Variants in CECR2 observed in about 807,000 individuals in gnomAD.
CECR2 encodes the protein CECR2 histone acetyl-lysine reader.
In CECR2, 30 loss-of-function variants were observed where a neutral mutation model predicts 154.5. That is an observed-to-expected ratio of 0.19 (90% confidence interval 0.15 to 0.26). The LOEUF is 0.26. CECR2 is among the 10% of genes least tolerant of loss of function. CECR2 has a pLI of 1.00. For missense variants in CECR2, 1,743 were observed against 1,829.3 expected (o/e 0.95, Z 0.86); for synonymous variants, 725 against 683.7 (o/e 1.06, Z -0.94).
chr22:17,401,828 A>ACCCCCCCCCC (rs34211703), intron 1 of CECR2, among the ~76,000 whole-genome samples: 12 of 114,144 alleles, frequency 1.1e-4, no homozygotes, highest in African/African-American at 1.9e-4. Flanking sequence ...AATATTTAAC[A>ACCCCCCCCCC]CCCCCCCCCG....
chr22:17,464,743 C>T (rs967697837), intron 1 of CECR2, among the ~76,000 whole-genome samples: 1 of 152,112 alleles, frequency 6.6e-6, no homozygotes, highest in Non-Finnish European at 1.5e-5. Context: ...TCAAGCAGTC[C>T]TCCCACTTCA....
chr22:17,466,598 C>CCTTTTTTTTTTTTTT (rs555359003), intron 1 of CECR2, among the ~76,000 whole-genome samples: 4 of 140,180 alleles, frequency 2.9e-5, no homozygotes, highest in African/African-American at 5.2e-5. Context: ...AAAACCTTGC[C>CCTTTTTTTTTTTTTT]TTTTTTTTTT....
At chr22:17,418,458 T>C (rs1048983715) in intron 1 of CECR2, among the ~76,000 whole-genome samples, 1 of 152,122 alleles carries the variant, frequency 6.6e-6, no homozygotes, top group African/African-American at 2.4e-5. Context: ...GGGAGGTTTC[T>C]ATTGCACCTC....
intron 9 of CECR2, among the ~76,000 whole-genome samples, chr22:17,530,133 C>T (rs1477396401): frequency 2.0e-5 from 3 of 151,280 alleles, no homozygotes; most frequent in African/African-American, 7.3e-5. Flanking sequence ...AGCATCTCAA[C>T]AGTGCTGATG....
intron 9 of CECR2, among the ~76,000 whole-genome samples, chr22:17,525,403 A>T (rs2056246969): frequency 6.6e-6 from 1 of 151,616 alleles, no homozygotes; most frequent in South Asian, 2.1e-4. Context: ...GCACTTTGGG[A>T]AGCCAAAGTG....
chr22:17,490,954 A>G (rs2055518753), intron 2 of CECR2, among the ~76,000 whole-genome samples: 2 of 152,224 alleles, frequency 1.3e-5, no homozygotes, highest in East Asian at 1.9e-4. Flanking sequence ...TTGTAGGCCC[A>G]TCTTATAACT....
chr22:17,456,179 T>C (rs558289757), intron 1 of CECR2, among the ~76,000 whole-genome samples: 8 of 152,222 alleles, frequency 5.3e-5, no homozygotes, highest in Non-Finnish European at 1.2e-4. Flanking sequence ...TGTTGTACCA[T>C]TGATAAAAAT....
chr22:17,449,142 G>A (rs1431565226), intron 1 of CECR2, among the ~76,000 whole-genome samples: 2 of 152,256 alleles, frequency 1.3e-5, no homozygotes, highest in African/African-American at 2.4e-5. Context: ...GCCTCCCAAA[G>A]TGCTGGAATT....
At chr22:17,444,108 C>CG (rs1471603974) in intron 1 of CECR2, among the ~76,000 whole-genome samples, 4 of 152,188 alleles carry the variant, frequency 2.6e-5, no homozygotes, top group Non-Finnish European at 5.9e-5. Flanking sequence ...TCTGGTTAGT[C>CG]GGTCTGTGGT....
chr22:17,506,611 C>T (rs925556323), intron 7 of CECR2, among the ~76,000 whole-genome samples: 1 of 152,146 alleles, frequency 6.6e-6, no homozygotes, highest in East Asian at 1.9e-4. Flanking sequence ...ATCTTTTTAA[C>T]AGCCACGACA....
chr22:17,550,935 C>CT (rs1287233432), intron 17 of CECR2, among the ~76,000 whole-genome samples: 2 of 151,812 alleles, frequency 1.3e-5, no homozygotes, highest in Non-Finnish European at 2.9e-5. Context: ...GAGCAAGACT[C>CT]TGTCTCAAAA....
At chr22:17,491,310 C>T (rs937210105) in intron 2 of CECR2, among the ~76,000 whole-genome samples, 2 of 152,056 alleles carry the variant, frequency 1.3e-5, no homozygotes, top group African/African-American at 4.8e-5. Context: ...GCCTTCCCAC[C>T]GGCCGTGTGT....
intron 1 of CECR2, among the ~76,000 whole-genome samples, chr22:17,361,726 G>A (rs1330907499): frequency 6.7e-6 from 1 of 149,608 alleles, no homozygotes; most frequent in East Asian, 2.0e-4. Flanking sequence ...CTGGGCAAAA[G>A]AGCAAGACTC....
rs1439453680 is a variant in CECR2 at position 17,542,953 on chromosome 22, C to T, written c.2810C>T (p.Pro937Leu). The change falls in exon 16 of 19, where the codon CCT becomes CTT. Residue 937 changes from proline to leucine, a missense_variant. Pro to Leu is a moderately conservative substitution (Grantham distance 98). This residue lies in a region of CECR2 where 1,250 missense variants were observed against 1,192.1 expected (regional missense o/e 1.05). Coordinates refer to ENST00000262608, the MANE Select transcript of CECR2 (RefSeq NM_001290047.2). The stretch of plus-strand genomic sequence containing the variant: ...GCCCCCAAGCCTGCCCTGGGCAACC[C>T]TGGGAGGGCACCGGAGAACAGTGAA... ...VSAPKPALGNPGRAPENSEAQ... is the reference protein window; with the variant it reads ...VSAPKPALGNLGRAPENSEAQ... 1.2e-6 allele frequency: 2 copies of T among 1,613,532 alleles called. No individual in the cohort carries two copies. The highest frequency in any genetic ancestry group is 1.7e-6 in the Non-Finnish European group (2 of 1,179,628).
intron 9 of CECR2, among the ~76,000 whole-genome samples, chr22:17,530,807 G>A (rs546460073): frequency 6.6e-6 from 1 of 152,294 alleles, no homozygotes; most frequent in South Asian, 2.1e-4. Context: ...AAGAGGGAAG[G>A]AAATTCTGAA....
At chr22:17,418,704 A>T in intron 1 of CECR2, 1 of 513,966 alleles carries the variant, frequency 1.9e-6, no homozygotes, top group Non-Finnish European at 2.8e-6. Flanking sequence ...GACATGGCGG[A>T]GGCGATGGAT....
At chr22:17,388,685 C>CTG (rs2063293004) in intron 1 of CECR2, among the ~76,000 whole-genome samples, 1 of 152,128 alleles carries the variant, frequency 6.6e-6, no homozygotes. Context: ...GAAGTGAAAG[C>CTG]AATTCAGTTT....
intron 1 of CECR2, among the ~76,000 whole-genome samples, chr22:17,375,930 G>C (rs1448574490): frequency 6.7e-6 from 1 of 150,108 alleles, no homozygotes; most frequent in African/African-American, 2.5e-5. Context: ...ACTCCAGCCT[G>C]GGCAACAGAG....
chr22:17,543,733 T>C (rs1422755635), intron 16 of CECR2, among the ~76,000 whole-genome samples: 3 of 152,068 alleles, frequency 2.0e-5, no homozygotes, highest in African/African-American at 7.2e-5. Context: ...CTAATTTTTA[T>C]ATTTTTAGTA....
Sources: allele counts gnomAD v4.1 joint callset (sites outside exome capture counted in the v4.1 genomes callset), GRCh38; gene constraint gnomAD v4.1.1; regional missense constraint gnomAD v4.1.1; transcripts MANE v1.5; gene names NCBI Gene and HGNC (gene_info 2026-07-23, HGNC 2026-07-21).